The following USP42 variants were observed in gnomAD, a reference collection of about 807,000 sequenced individuals.
USP42 encodes ubiquitin carboxyl-terminal hydrolase 42.
USP42 carries 23 observed loss-of-function variants against 113.0 expected under a neutral mutation model. The observed-to-expected ratio is 0.20, with a 90% CI of 0.15 to 0.29. The LOEUF (loss-of-function observed/expected upper bound fraction) is 0.29. Among genes scored for constraint, USP42 ranks in the 10% least tolerant of loss-of-function variants. USP42 has a pLI of 1.00. For synonymous variants in USP42, 933 were observed against 699.0 expected, an observed-to-expected ratio of 1.33 and a Z score of -5.28; for missense variants, 2,174 against 1,779.8, an observed-to-expected ratio of 1.22 and a Z score of -3.99.
At chr7:6,115,609 C>A (rs1466644961) in intron 3 of USP42, 86 bp downstream of exon 3, 3 of 1,460,582 alleles carry the variant, frequency 2.1e-6, no homozygotes, top group Non-Finnish European at 2.8e-6. Context: ...AAGAATTAAT[C>A]CAAGAGTGCT....
chr7:6,129,279 G>C (rs1414935775), intron 3 of USP42, among the ~76,000 whole-genome samples: 1 of 152,222 alleles, frequency 6.6e-6, no homozygotes, highest in African/African-American at 2.4e-5. Context: ...TTCTAGGCCA[G>C]GCGTGGTGGC....
At chr7:6,090,441 A>T in the USP42 span, among the ~76,000 whole-genome samples, 1 of 143,704 alleles carries the variant, frequency 7.0e-6, no homozygotes, top group African/African-American at 2.6e-5. Flanking sequence ...TATGCCAGGC[A>T]CAGTGGCTCA....
the USP42 span, among the ~76,000 whole-genome samples, chr7:6,097,520 G>A: frequency 6.7e-6 from 1 of 149,312 alleles, no homozygotes; most frequent in African/African-American, 2.5e-5. Context: ...GATCCTCCCA[G>A]TTCAGTCTCC....
intron 14 of USP42, among the ~76,000 whole-genome samples, chr7:6,152,132 G>A (rs1026315641): frequency 1.3e-4 from 20 of 152,220 alleles, no homozygotes; most frequent in African/African-American, 4.8e-4. Context: ...GCTTCACCTC[G>A]CAAAGCAGCA....
At position 6,139,038 on chromosome 7, in the gene USP42, A is replaced by G. The variant is rs1343187767; in HGVS notation, c.554-54A>G. On this transcript the variant is annotated intron_variant, in intron 4 of 17. Coordinates refer to ENST00000306177, the MANE Select transcript of USP42 (RefSeq NM_032172.3). The surrounding 1 kb of genome is among the most constrained non-coding windows in gnomAD (Gnocchi z 4.5). Reference sequence around the variant, plus strand: ...TATAAGATATATTTTGGGGGGTACAACTTAGGCTTATTACGTGTAATGATA... The same window carrying G: ...TATAAGATATATTTTGGGGGGTACAGCTTAGGCTTATTACGTGTAATGATA... The G allele has an allele frequency of 8.1e-7, 1 of 1,235,784 alleles. No homozygotes were observed. The highest frequency in any genetic ancestry group is 1.1e-6 in the Non-Finnish European group (1 of 874,356). 76.6% of individuals were successfully genotyped at this position (1,235,784 alleles called of 1,614,324 possible).
At chr7:6,092,015 TTC>T in the USP42 span, among the ~76,000 whole-genome samples, 4 of 98,766 alleles carry the variant, frequency 4.0e-5, no homozygotes, top group African/African-American at 7.7e-5. Context: ...CTTCTTCTTC[TTC>T]TTCTTCTTCT....
Position 6,158,683 on chromosome 7 carries a change from G to T in USP42, c.3944-767G>T, listed in dbSNP as rs749239250. On this transcript the variant is annotated intron_variant, in intron 16 of 17. Transcript: ENST00000306177. This position sits in a 1 kb window ranked among gnomAD's most constrained non-coding sequence, Gnocchi z 4.2. ...CGGGTTGCCTGCGGGCCTTGTAGAC[G>T]TTCTGGACATTTCAGAATTGGTTTT... 2.0e-5 allele frequency among the ~76,000 whole-genome samples: 3 copies of T among 152,222 alleles called. No individual in the cohort carries two copies. The highest frequency in any genetic ancestry group is 4.4e-5 in the Non-Finnish European group (3 of 68,046).
At chr7:6,153,468 A>G (rs75127012) in intron 14 of USP42, among the ~76,000 whole-genome samples, 12,010 of 152,050 alleles carry the variant, frequency 0.079, 636 homozygotes, top group African/African-American at 0.14. Flanking sequence ...GAGTTTCCAG[A>G]GATAGTAGTA....
intron 3 of USP42, among the ~76,000 whole-genome samples, chr7:6,133,889 TTC>T (rs1037353643): frequency 1.6e-4 from 22 of 141,750 alleles, no homozygotes; most frequent in African/African-American, 5.9e-4. Flanking sequence ...ATGTTTCTTC[TTC>T]TTTTTTTTTT....
At chr7:6,142,543 T>C (rs1378888804) in intron 7 of USP42, among the ~76,000 whole-genome samples, 1 of 152,170 alleles carries the variant, frequency 6.6e-6, no homozygotes, top group Admixed American at 6.5e-5. Context: ...CATAAAAATT[T>C]TCATTTGCTG....
Position 6,115,487 on chromosome 7 carries a change from G to T in USP42, c.406G>T (p.Ala136Ser). The T allele has an allele frequency of 6.2e-7, 1 of 1,614,022 alleles. No homozygotes were observed. Among genetic ancestry groups the T allele is most frequent in the Non-Finnish European group, 8.5e-7 (1 of 1,179,896 alleles). Residue 136 changes from alanine (A) to serine (S), a missense_variant, in exon 3 of 18, where the codon GCC becomes TCC. Coordinates refer to ENST00000306177, the MANE Select transcript of USP42 (RefSeq NM_032172.3). ...GTGTTTAACCTACACACCACCTCTTGCCAATTACATGCTATCACATGAACA... is the reference window on the plus strand; with the variant it reads ...GTGTTTAACCTACACACCACCTCTTTCCAATTACATGCTATCACATGAACA... ...LQCLTYTPPL[A>S]NYMLSHEHSK...
At position 6,156,659 on chromosome 7, in the gene USP42, T is replaced by C. The variant is rs369615846; in HGVS notation, c.3642-95T>C. ...GAATTGTGCGTGTCTGCACAGTGAA[T>C]GTTCTCGGTGAATGGGTGGAAAGGC... On this transcript the variant is annotated intron_variant, in intron 15 of 17. Transcript: ENST00000306177. The C allele has an allele frequency of 7.8e-4, 1,129 of 1,443,262 alleles. 7 individuals carry two copies. The African/African-American group carries it at 0.015, about 19-fold the overall frequency. 89.4% of individuals were successfully genotyped at this position (1,443,262 alleles called of 1,614,324 possible).
the USP42 span, among the ~76,000 whole-genome samples, chr7:6,086,167 C>G: frequency 6.7e-6 from 1 of 149,824 alleles, no homozygotes; most frequent in East Asian, 1.9e-4. Context: ...TCCCGAGTAC[C>G]TGGGATTACA....
chr7:6,088,616 T>G, the USP42 span, among the ~76,000 whole-genome samples: 1 of 151,356 alleles, frequency 6.6e-6, no homozygotes, highest in East Asian at 1.9e-4. Context: ...TAACTCATCC[T>G]GCCAACCCCG....
chr7:6,137,938 C>G (rs1217168542), intron 4 of USP42, among the ~76,000 whole-genome samples: 1 of 152,212 alleles, frequency 6.6e-6, no homozygotes, highest in Non-Finnish European at 1.5e-5. Context: ...CTCTGCCTCC[C>G]AAAGTGTTGG....
chr7:6,097,907 CTTT>C, the USP42 span, among the ~76,000 whole-genome samples: 3 of 103,606 alleles, frequency 2.9e-5, no homozygotes, highest in African/African-American at 3.8e-5. Context: ...TCTTTCTTTT[CTTT>C]TTTTTTTTTT....
At position 6,157,446 on chromosome 7, in the gene USP42, G is replaced by C; in HGVS notation, c.3943+391G>C. On this transcript the variant is annotated intron_variant, in intron 16 of 17. Coordinates refer to ENST00000306177, the MANE Select transcript of USP42 (RefSeq NM_032172.3). This position sits in a 1 kb window ranked among gnomAD's most constrained non-coding sequence, Gnocchi z 4.1. The stretch of plus-strand genomic sequence containing the variant: ...GAGTCTTGCTCTATTGCCCAGGCTG[G>C]AGTGCAGTGGCGGCGATCTCAGCTC... The C allele has an allele frequency of 1.1e-6, 1 of 929,892 alleles. No homozygotes were observed. Among genetic ancestry groups the C allele is most frequent in the Non-Finnish European group, 1.3e-6 (1 of 779,468 alleles). 57.6% of individuals were successfully genotyped at this position (929,892 alleles called of 1,614,324 possible).
intron 3 of USP42, among the ~76,000 whole-genome samples, chr7:6,119,856 A>G (rs1780116664): frequency 6.6e-6 from 1 of 152,106 alleles, no homozygotes; most frequent in Non-Finnish European, 1.5e-5. Flanking sequence ...GGCATGTGCT[A>G]CAACACCTAG....
At chr7:6,114,688 T>A (rs1229438127) in intron 2 of USP42, among the ~76,000 whole-genome samples, 15 of 62,900 alleles carry the variant, frequency 2.4e-4, no homozygotes, top group South Asian at 6.1e-4. Context: ...ATTTTTTTTT[T>A]TTTTTTTTTT....
Sources: gnomAD v4.1 joint callset for allele counts (sites outside exome capture counted in the v4.1 genomes callset) on GRCh38, gnomAD v4.1.1 for gene constraint, Gnocchi (gnomAD v3.1) non-coding constraint, MANE v1.5 for transcripts, NCBI Gene and HGNC (gene_info 2026-07-23, HGNC 2026-07-21) for gene names.